The following TMEFF2 variants were observed in gnomAD, a reference collection of about 807,000 sequenced individuals.
TMEFF2 encodes the protein tomoregulin-2.
A neutral mutation model predicts 53.8 loss-of-function variants in TMEFF2; 28 were observed. The observed-to-expected ratio is 0.52, with a 90% CI of 0.39 to 0.71. The LOEUF is 0.71. TMEFF2 is among the 30% of genes least tolerant of loss of function. TMEFF2 has a pLI of 0.00. For synonymous variants in TMEFF2, 162 were observed against 166.3 expected (o/e 0.97, Z 0.20); for missense variants, 353 against 455.2 (o/e 0.78, Z 2.04).
At chr2:192,083,404 T>C (rs1238434411) in intron 4 of TMEFF2, among the ~76,000 whole-genome samples, 2 of 152,152 alleles carry the variant, frequency 1.3e-5, no homozygotes, top group African/African-American at 2.4e-5. Context: ...ACCTCCAAGA[T>C]TTCCTATTTA....
Position 191,949,844 on chromosome 2 carries a change from A to G in TMEFF2, c.*467T>C. ...AGTAAATTATTTTTTCTCTTTTCCA[A>G]TAACCATCATTTCCCTTGATCTTGG... On this transcript the variant is annotated 3_prime_UTR_variant, in exon 10 of 10. Transcript: ENST00000272771. The G allele has an allele frequency of 5.1e-6, 5 of 985,902 alleles. No homozygotes were observed. Among genetic ancestry groups the G allele is most frequent in the South Asian group, 4.7e-5 (1 of 21,296 alleles). 61.1% of individuals were successfully genotyped at this position (985,902 alleles called of 1,614,324 possible).
chr2:192,152,832 G>A lies in TMEFF2; in HGVS notation c.439+26836C>T, dbSNP rs550804708. ...AACAGGTTGATGAAGGCTGAGAACT[G>A]TTTTCTAACTATTATAATAACCAAA... is the stretch of plus-strand genomic sequence containing the variant. On this transcript the variant is annotated intron_variant, in intron 4 of 9. Coordinates refer to ENST00000272771, the MANE Select transcript of TMEFF2 (RefSeq NM_016192.4). 4.0e-5 allele frequency among the ~76,000 whole-genome samples: 6 copies of A among 151,886 alleles called. No individual in the cohort carries two copies. The South Asian group carries it at 6.2e-4, about 16-fold the overall frequency.
intron 5 of TMEFF2, among the ~76,000 whole-genome samples, chr2:192,055,707 G>A (rs1371277025): frequency 1.5e-4 from 22 of 149,834 alleles, no homozygotes; most frequent in African/African-American, 4.2e-4. Flanking sequence ...CCCGGGAGGC[G>A]GAGGTTGCAG....
chr2:192,081,740 A>C (rs1222070215), intron 4 of TMEFF2, among the ~76,000 whole-genome samples: 1 of 152,036 alleles, frequency 6.6e-6, no homozygotes, highest in Admixed American at 6.6e-5. Flanking sequence ...GATCTTTAAA[A>C]TCATACTTTT....
At chr2:192,057,796 AAAAG>A in intron 4 of TMEFF2, 21 bp from the exon 5 acceptor site, 1 of 1,583,976 alleles carries the variant, frequency 6.3e-7, no homozygotes, top group Non-Finnish European at 8.7e-7. Context: ...GAAAAACAGT[AAAAG>A]GAATTCAGGT....
chr2:192,106,266 C>CA (rs774050521), intron 4 of TMEFF2, among the ~76,000 whole-genome samples: 2 of 151,408 alleles, frequency 1.3e-5, no homozygotes, highest in African/African-American at 2.4e-5. Flanking sequence ...AATATATGTA[C>CA]AAAAAATGCA....
chr2:191,985,740 C>T (rs892466653), intron 7 of TMEFF2, among the ~76,000 whole-genome samples: 1 of 152,056 alleles, frequency 6.6e-6, no homozygotes, highest in Non-Finnish European at 1.5e-5. Flanking sequence ...AAGTCTTGCT[C>T]GTTTATCATT....
chr2:192,037,646 AGAG>A (rs1687362561), intron 5 of TMEFF2, among the ~76,000 whole-genome samples: 1 of 6,016 alleles, frequency 1.7e-4, no homozygotes, highest in Non-Finnish European at 2.9e-3. Context: ...AGAGAGAAAG[AGAG>A]AGAGAGAGAG....
At chr2:192,019,691 A>G (rs980321598) in intron 5 of TMEFF2, among the ~76,000 whole-genome samples, 1 of 150,772 alleles carries the variant, frequency 6.6e-6, no homozygotes, top group Non-Finnish European at 1.5e-5. Context: ...TCCTGATGAT[A>G]TATTAAAGTT....
chr2:192,091,253 G>A lies in TMEFF2; in HGVS notation c.440-33478C>T, dbSNP rs868697253. 2.6e-5 allele frequency among the ~76,000 whole-genome samples: 4 copies of A among 152,052 alleles called. No homozygotes were observed. The South Asian group carries it at 8.3e-4, about 32-fold the overall frequency. On this transcript the variant is annotated intron_variant, in intron 4 of 9. Transcript: ENST00000272771. ...AATGGCTCCTCTCAAACACCTATTC[G>A]TGAATGACAGGGTTATAAATCCCAG...
At chr2:192,153,280 A>G (rs1399614283) in intron 4 of TMEFF2, among the ~76,000 whole-genome samples, 1 of 151,922 alleles carries the variant, frequency 6.6e-6, no homozygotes, top group East Asian at 1.9e-4. Context: ...TTTATACAGC[A>G]TGATATACCT....
chr2:192,168,199 T>C (rs766333119), intron 4 of TMEFF2, among the ~76,000 whole-genome samples: 2 of 152,120 alleles, frequency 1.3e-5, no homozygotes, highest in South Asian at 4.1e-4. Flanking sequence ...ACTTTCTAGA[T>C]ATGAGGAATT....
At chr2:191,956,928 A>AT (rs1035939443) in intron 7 of TMEFF2, among the ~76,000 whole-genome samples, 5 of 152,254 alleles carry the variant, frequency 3.3e-5, no homozygotes, top group East Asian at 1.9e-4. Flanking sequence ...GCATCCACAC[A>AT]TTTTTTTGTT....
In TMEFF2 at chr2:192,008,774, G is replaced by A. The variant is rs542419979; in HGVS notation, c.537-9566C>T. 1.4e-3 allele frequency among the ~76,000 whole-genome samples: 213 copies of A among 152,280 alleles called. 2 individuals are homozygous for A. Among genetic ancestry groups the A allele is most frequent in the East Asian group, 1.5e-3 (8 of 5,182 alleles). On this transcript the variant is annotated intron_variant, in intron 5 of 9. Coordinates refer to ENST00000272771, the MANE Select transcript of TMEFF2 (RefSeq NM_016192.4). ...ATTGAACGTTTAAGCACATTCCCAAGCGCCAGGATTCCCACACCCACTTTA... is the reference window on the plus strand; with the variant it reads ...ATTGAACGTTTAAGCACATTCCCAAACGCCAGGATTCCCACACCCACTTTA...
At chr2:192,129,347 C>T (rs1487416127) in intron 4 of TMEFF2, among the ~76,000 whole-genome samples, 1 of 147,180 alleles carries the variant, frequency 6.8e-6, no homozygotes, top group African/African-American at 2.5e-5. Context: ...TACTCTGACA[C>T]ATTTTACCAG....
intron 4 of TMEFF2, among the ~76,000 whole-genome samples, chr2:192,074,955 T>C (rs1017854567): frequency 6.6e-6 from 1 of 151,698 alleles, no homozygotes; most frequent in Admixed American, 6.6e-5. Context: ...GTGTTATTTT[T>C]GTATATATTT....
chr2:192,057,824 ATC>A (rs1687948662), intron 4 of TMEFF2, 49 bp from the exon 5 acceptor site: 2 of 1,405,196 alleles, frequency 1.4e-6, no homozygotes, highest in Middle Eastern at 1.8e-4. Context: ...TGTGCATTAT[ATC>A]TACAACTCCA....
chr2:192,194,618 G>T lies in TMEFF2; in HGVS notation c.-94C>A. 6.8e-7 allele frequency: 1 copy of T among 1,472,404 alleles called. No individual in the cohort carries two copies. The highest frequency in any genetic ancestry group is 9.2e-7 in the Non-Finnish European group (1 of 1,083,948). 91.2% of individuals were successfully genotyped at this position (1,472,404 alleles called of 1,614,324 possible). ...CGGGCTACTGAGCATCCCGCGGACG[G>T]CGGCAGCAGAGGCGGCGGCGGTGGC... On this transcript the variant is annotated 5_prime_UTR_variant, in exon 1 of 10. Transcript: ENST00000272771. The surrounding 1 kb of genome is among the most constrained non-coding windows in gnomAD (Gnocchi z 4.2).
At chr2:191,970,770 G>A (rs1295792607) in intron 7 of TMEFF2, among the ~76,000 whole-genome samples, 1 of 152,124 alleles carries the variant, frequency 6.6e-6, no homozygotes, top group East Asian at 1.9e-4. Context: ...TCTTTTAATA[G>A]TCCAAATGGA....
Sources: allele counts gnomAD v4.1 joint callset (sites outside exome capture counted in the v4.1 genomes callset), GRCh38; gene constraint gnomAD v4.1.1; non-coding constraint Gnocchi (gnomAD v3.1); transcripts MANE v1.5; gene names NCBI Gene and HGNC (gene_info 2026-07-23, HGNC 2026-07-21).